The following HOMER1 variants were observed in gnomAD, a reference collection of about 807,000 sequenced individuals.
The protein encoded by HOMER1 is homer protein homolog 1.
HOMER1 carries 3 observed loss-of-function variants against 48.9 expected under a neutral mutation model. The ratio of observed to expected loss-of-function variants is 0.06; its 90% CI spans 0.03 to 0.16. The LOEUF is 0.16. Among genes scored for constraint, HOMER1 ranks in the 10% least tolerant of loss-of-function variants. The pLI is 1.00. For synonymous variants in HOMER1, 134 were observed against 146.4 expected, an observed-to-expected ratio of 0.92 and a Z score of 0.61; for missense variants, 247 against 411.4, an observed-to-expected ratio of 0.60 and a Z score of 3.46.
intron 1 of HOMER1, among the ~76,000 whole-genome samples, chr5:79,500,140 T>C (rs1752535010): frequency 1.3e-5 from 2 of 152,194 alleles, no homozygotes; most frequent in African/African-American, 4.8e-5. Flanking sequence ...ACTATCTCTG[T>C]AGCTATACCA....
intron 1 of HOMER1, among the ~76,000 whole-genome samples, chr5:79,483,827 G>T (rs540787114): frequency 2.6e-5 from 4 of 151,630 alleles, no homozygotes; most frequent in African/African-American, 7.3e-5. Context: ...GGCCGAGGTG[G>T]GTGGATCACC....
intron 5 of HOMER1, among the ~76,000 whole-genome samples, chr5:79,405,105 T>C (rs988526735): frequency 6.6e-6 from 1 of 151,988 alleles, no homozygotes; most frequent in Non-Finnish European, 1.5e-5. Context: ...AGTATGACTG[T>C]ATTTGGAGAC....
chr5:79,417,442 G>A (rs527732247), intron 5 of HOMER1, among the ~76,000 whole-genome samples: 4 of 152,194 alleles, frequency 2.6e-5, no homozygotes, highest in African/African-American at 7.2e-5. Context: ...GCACCCGGCC[G>A]ATTTCCCTTC....
At position 79,397,563 on chromosome 5, in the gene HOMER1, T is replaced by C; in HGVS notation, c.759A>G (p.Ile253Met). Reference sequence around the variant, plus strand: ...GTTTCAGTGTCTCTTCCAGTTCTTGTATTGTCTGATTTAATTCTGTCTTAT... The same window carrying C: ...GTTTCAGTGTCTCTTCCAGTTCTTGCATTGTCTGATTTAATTCTGTCTTAT... ...HTHKTELNQT[I>M]QELEETLKLK... The change falls in exon 7 of 9, where the codon ATA becomes ATG. Residue 253 changes from isoleucine (I) to methionine (M), a missense_variant. Transcript: ENST00000334082. The C allele has an allele frequency of 6.2e-7, 1 of 1,609,236 alleles. No individual in the cohort carries two copies. The highest frequency in any genetic ancestry group is 8.5e-7 in the Non-Finnish European group (1 of 1,177,126).
intron 5 of HOMER1, among the ~76,000 whole-genome samples, chr5:79,437,554 A>G (rs892796001): frequency 7.9e-5 from 12 of 152,364 alleles, no homozygotes; most frequent in African/African-American, 2.6e-4. Context: ...CAATAAATCT[A>G]TAACTCCACA....
intron 1 of HOMER1, among the ~76,000 whole-genome samples, chr5:79,507,243 A>C (rs1752804230): frequency 6.9e-6 from 1 of 145,192 alleles, no homozygotes; most frequent in Admixed American, 7.0e-5. Context: ...AAACCAAAAC[A>C]AAAAAAAAAC....
Position 79,374,634 on chromosome 5 carries a change from AG to A in HOMER1, c.*1374del, listed in dbSNP as rs1748713405. 1 of 152,000 alleles carries A rather than the reference AG, an allele frequency of 6.6e-6. No homozygotes were observed. The highest frequency in any genetic ancestry group is 2.1e-4 in the South Asian group (1 of 4,830). The allele number at this position is 152,000 out of a possible 1,614,324, so 9.4% of individuals were successfully genotyped here. A position where few individuals can be genotyped will look rare whatever the true frequency, so the allele number is the denominator to read the frequency against. On this transcript the variant is annotated 3_prime_UTR_variant, in exon 9 of 9. Transcript: ENST00000334082. Reference sequence around the variant, plus strand: ...AAAAAAGAACCCTCCTCAACATCACAGGCATTGTACAGCAAGAATATATGTA... The same window carrying A: ...AAAAAAGAACCCTCCTCAACATCACAGCATTGTACAGCAAGAATATATGTA...
chr5:79,475,780 G>A (rs937583395), intron 1 of HOMER1, among the ~76,000 whole-genome samples: 1 of 152,114 alleles, frequency 6.6e-6, no homozygotes, highest in Non-Finnish European at 1.5e-5. Context: ...AGTTTTCAGA[G>A]CCTTCCAAAC....
intron 1 of HOMER1, among the ~76,000 whole-genome samples, chr5:79,458,574 A>C (rs1395964864): frequency 2.0e-5 from 3 of 152,098 alleles, no homozygotes; most frequent in African/African-American, 7.2e-5. Flanking sequence ...TATCCATTTC[A>C]ACCCTTAGAG....
intron 1 of HOMER1, among the ~76,000 whole-genome samples, chr5:79,468,089 T>G (rs1751526599): frequency 6.6e-6 from 1 of 152,180 alleles, no homozygotes. Context: ...GTCATTTAAC[T>G]GCCACATAAC....
intron 1 of HOMER1, among the ~76,000 whole-genome samples, chr5:79,499,228 C>A (rs1347069249): frequency 6.6e-6 from 1 of 152,092 alleles, no homozygotes; most frequent in African/African-American, 2.4e-5. Context: ...TAGAGCCTGC[C>A]TATGTATTAT....
In HOMER1 at chr5:79,462,065, G is replaced by A. The variant is rs1029981900; in HGVS notation, c.6-5047C>T. ...AATACAAAAATGAGCCAGGCACGGT[G>A]TCGCATGCCTATAATCCCAGCTACT... is the stretch of plus-strand genomic sequence containing the variant. On this transcript the variant is annotated intron_variant, in intron 1 of 8. Transcript: ENST00000334082. Among the ~76,000 whole-genome samples the A allele has an allele frequency of 3.3e-5, 5 of 152,204 alleles. No homozygotes were observed. The East Asian group carries it at 9.7e-4, about 29-fold the overall frequency.
intron 5 of HOMER1, among the ~76,000 whole-genome samples, chr5:79,404,433 G>A (rs1749611041): frequency 6.6e-6 from 1 of 152,124 alleles, no homozygotes; most frequent in South Asian, 2.1e-4. Context: ...CAACACTCAA[G>A]CACTTTGGTT....
At chr5:79,499,934 A>T (rs1316006079) in intron 1 of HOMER1, among the ~76,000 whole-genome samples, 1 of 152,196 alleles carries the variant, frequency 6.6e-6, no homozygotes, top group Non-Finnish European at 1.5e-5. Flanking sequence ...ATAAACTTTG[A>T]ATAACACCAC....
intron 5 of HOMER1, among the ~76,000 whole-genome samples, chr5:79,403,603 C>A (rs577131743): frequency 6.6e-6 from 1 of 152,054 alleles, no homozygotes; most frequent in East Asian, 1.9e-4. Context: ...CAGGAAATAA[C>A]AGTTAAATGC....
chr5:79,474,830 T>C (rs1348024549), intron 1 of HOMER1, among the ~76,000 whole-genome samples: 1 of 151,988 alleles, frequency 6.6e-6, no homozygotes, highest in African/African-American at 2.4e-5. Flanking sequence ...ATTGATAGAG[T>C]CAAAAAAGTA....
intron 4 of HOMER1, 36 bp from the exon 5 acceptor site, chr5:79,439,185 C>T (rs763784252): frequency 6.2e-7 from 1 of 1,609,290 alleles, no homozygotes; most frequent in East Asian, 2.2e-5. Context: ...AAAATAGTTA[C>T]ACTTTTGTTA....
At chr5:79,460,512 T>C (rs1018560975) in intron 1 of HOMER1, among the ~76,000 whole-genome samples, 1 of 152,122 alleles carries the variant, frequency 6.6e-6, no homozygotes, top group African/African-American at 2.4e-5. Context: ...AGAACCTTAC[T>C]AAAGAATCGC....
chr5:79,501,397 T>A (rs1561389394), intron 1 of HOMER1, among the ~76,000 whole-genome samples: 1 of 152,238 alleles, frequency 6.6e-6, no homozygotes. Flanking sequence ...TCCAGTCAAC[T>A]GTAGGCTATT....
Sources: allele counts gnomAD v4.1 joint callset (sites outside exome capture counted in the v4.1 genomes callset), GRCh38; gene constraint gnomAD v4.1.1; transcripts MANE v1.5; gene names NCBI Gene and HGNC (gene_info 2026-07-23, HGNC 2026-07-21).